The following IKZF3 variants were observed in gnomAD, a reference collection of about 807,000 sequenced individuals.
IKZF3 encodes IKAROS family zinc finger 3.
Under a neutral mutation model 49.0 loss-of-function variants are expected in IKZF3, and 10 were observed. The ratio of observed to expected loss-of-function variants is 0.20; its 90% CI spans 0.13 to 0.35. The LOEUF (loss-of-function observed/expected upper bound fraction) is 0.35. IKZF3 is among the 10% of genes least tolerant of loss of function. The probability of loss-of-function intolerance (pLI) is 1.00; values close to 1 mark genes in which losing one functional copy is unlikely to be tolerated. For missense variants in IKZF3, 498 were observed against 664.8 expected, an observed-to-expected ratio of 0.75 and a Z score of 2.76; for synonymous variants, 209 against 228.2, an observed-to-expected ratio of 0.92 and a Z score of 0.76.
chr17:39,852,710 C>G (rs1444120607), intron 1 of IKZF3, among the ~76,000 whole-genome samples: 2 of 152,168 alleles, frequency 1.3e-5, no homozygotes, highest in Non-Finnish European at 2.9e-5. Flanking sequence ...GTGGCTCACA[C>G]CCATAGTCTC....
At chr17:39,775,490 C>T (rs2060555709) in intron 7 of IKZF3, among the ~76,000 whole-genome samples, 1 of 152,132 alleles carries the variant, frequency 6.6e-6, no homozygotes, top group African/African-American at 2.4e-5. Context: ...TATTTTTGAA[C>T]CCATGAAATA....
At chr17:39,796,385 T>C (rs900620449) in intron 3 of IKZF3, among the ~76,000 whole-genome samples, 1 of 152,146 alleles carries the variant, frequency 6.6e-6, no homozygotes, top group Admixed American at 6.5e-5. Context: ...GTGGAACCTT[T>C]TCTCTTTCAA....
At chr17:39,850,769 A>ACT (rs1212338300) in intron 1 of IKZF3, among the ~76,000 whole-genome samples, 2 of 83,056 alleles carry the variant, frequency 2.4e-5, no homozygotes, top group East Asian at 3.3e-4. Context: ...TATTATATAT[A>ACT]ATATATAGTA....
At chr17:39,853,210 T>C (rs2062931248) in intron 1 of IKZF3, among the ~76,000 whole-genome samples, 2 of 152,158 alleles carry the variant, frequency 1.3e-5, no homozygotes, top group Admixed American at 1.3e-4. Flanking sequence ...GGCCAAAGCT[T>C]TGTCTGCCTT....
chr17:39,780,959 T>C (rs1451549095), intron 6 of IKZF3, among the ~76,000 whole-genome samples: 1 of 152,216 alleles, frequency 6.6e-6, no homozygotes, highest in East Asian at 1.9e-4. Context: ...ATCATAGCCT[T>C]CAGTGAAGCT....
At position 39,792,929 on chromosome 17, in the gene IKZF3, A is replaced by T. The variant is rs1244057299; in HGVS notation, c.168T>A (p.Asp56Glu). 6.2e-7 allele frequency: 1 copy of T among 1,613,224 alleles called. No individual in the cohort carries two copies. The highest frequency in any genetic ancestry group is 1.3e-5 in the African/African-American group (1 of 74,968). ...PANEDEDIGD[D>E]SMKVKDEYSE... is the part of the protein sequence containing the mutation. ...TGTATTCATCTTTCACTTTCATTGA[A>T]TCATCTGCAGGGAAGAAAATGCAAG... Residue 56 changes from aspartate to glutamate, a missense_variant, in exon 4 of 8, where the codon GAT (aspartate) becomes GAA (glutamate). Transcript: ENST00000346872.
chr17:39,850,543 T>TAATA (rs1221013704), intron 1 of IKZF3, among the ~76,000 whole-genome samples: 1,582 of 117,572 alleles, frequency 0.013, 61 homozygotes, highest in African/African-American at 0.017. Flanking sequence ...CATGTACATA[T>TAATA]TATAGCATAT....
At chr17:39,787,070 C>A (rs943552934) in intron 6 of IKZF3, among the ~76,000 whole-genome samples, 3 of 152,160 alleles carry the variant, frequency 2.0e-5, no homozygotes, top group Non-Finnish European at 4.4e-5. Context: ...TCTGTTTTAG[C>A]CTATTCAAAC....
intron 3 of IKZF3, among the ~76,000 whole-genome samples, chr17:39,797,723 C>T (rs952778387): frequency 6.6e-6 from 1 of 151,878 alleles, no homozygotes; most frequent in Admixed American, 6.6e-5. Context: ...GTGCCCGGCC[C>T]CTGCACTCCT....
intron 1 of IKZF3, among the ~76,000 whole-genome samples, chr17:39,849,731 A>G (rs1003658245): frequency 6.6e-6 from 1 of 152,098 alleles, no homozygotes; most frequent in Non-Finnish European, 1.5e-5. Flanking sequence ...AGGATCCAAA[A>G]TGGCCGATAA....
intron 3 of IKZF3, among the ~76,000 whole-genome samples, chr17:39,797,678 C>T (rs901011121): frequency 6.6e-6 from 1 of 152,140 alleles, no homozygotes; most frequent in African/African-American, 2.4e-5. Flanking sequence ...CTGTCTTGGC[C>T]TCCCAAAGTG....
At chr17:39,824,751 A>C (rs916656585) in intron 3 of IKZF3, among the ~76,000 whole-genome samples, 1 of 150,002 alleles carries the variant, frequency 6.7e-6, no homozygotes, top group Non-Finnish European at 1.5e-5. Flanking sequence ...GCTGGAGTGC[A>C]GTGGCGTGAT....
rs539891000 is a variant in IKZF3 at position 39,822,996 on chromosome 17, A to T, written c.163+6391T>A. ...TGTGGAAGCAACTTTGGAACTGGGT[A>T]AAAGACAGAGGTTGGAACAGTTTGG... is the stretch of plus-strand genomic sequence containing the variant. On this transcript the variant is annotated intron_variant, in intron 3 of 7. Coordinates refer to ENST00000346872, the MANE Select transcript of IKZF3 (RefSeq NM_012481.5). Among the ~76,000 whole-genome samples the T allele has an allele frequency of 2.0e-5, 3 of 152,292 alleles. No homozygotes were observed. In the South Asian group the frequency reaches 6.2e-4, roughly 32 times the overall value.
chr17:39,775,975 T>C (rs1325523580), intron 7 of IKZF3, among the ~76,000 whole-genome samples: 1 of 152,060 alleles, frequency 6.6e-6, no homozygotes, highest in African/African-American at 2.4e-5. Flanking sequence ...CTTTACATTT[T>C]TTTCTTGCCC....
chr17:39,777,670 T>C lies in IKZF3; in HGVS notation c.807A>G (p.Ser269=), dbSNP rs149002717. 122 of 1,612,458 alleles carry C rather than the reference T, an allele frequency of 7.6e-5. 1 individual carries two copies. The highest frequency in any genetic ancestry group is 1.4e-4 in the South Asian group (13 of 90,950). Residue 269 remains serine (S), a synonymous_variant, in exon 7 of 8, where the codon TCA becomes TCG. Coordinates refer to ENST00000346872, the MANE Select transcript of IKZF3 (RefSeq NM_012481.5). ...TCTTACCAATGAATTTCTGAGGCAT[T>C]GAGCTTTTTCGTTTTGCCACATTGC... is the stretch of plus-strand genomic sequence containing the variant. The part of the protein sequence containing the change: ...LASNVAKRKS[S]MPQKFIGEKR...
At chr17:39,802,006 C>T (rs1341797398) in intron 3 of IKZF3, among the ~76,000 whole-genome samples, 1 of 151,740 alleles carries the variant, frequency 6.6e-6, no homozygotes, top group Non-Finnish European at 1.5e-5. Context: ...GCAGGCGGAT[C>T]ACGAGATCAG....
At chr17:39,835,859 G>C (rs1219137901) in intron 1 of IKZF3, 3 of 611,202 alleles carry the variant, frequency 4.9e-6, no homozygotes, top group Non-Finnish European at 9.4e-6. Flanking sequence ...TATGCTTACT[G>C]ATCTCATCCT....
At chr17:39,822,118 C>T (rs2061824686) in intron 3 of IKZF3, among the ~76,000 whole-genome samples, 1 of 152,178 alleles carries the variant, frequency 6.6e-6, no homozygotes, top group Non-Finnish European at 1.5e-5. Flanking sequence ...AGGGAACTAT[C>T]TGACTTCCCC....
intron 3 of IKZF3, among the ~76,000 whole-genome samples, chr17:39,822,657 A>G (rs2061842641): frequency 7.0e-6 from 1 of 143,584 alleles, no homozygotes. Flanking sequence ...ATCTTGGCTC[A>G]CTGCAAGCTC....
Sources: allele counts gnomAD v4.1 joint callset (sites outside exome capture counted in the v4.1 genomes callset), GRCh38; gene constraint gnomAD v4.1.1; transcripts MANE v1.5; gene names NCBI Gene and HGNC (gene_info 2026-07-23, HGNC 2026-07-21).